Variants in LARGE1 observed in about 807,000 individuals in gnomAD.
LARGE1 encodes LARGE xylosyl- and glucuronyltransferase 1, also known as xylosyl- and glucuronyltransferase LARGE1.
In LARGE1, 43 loss-of-function variants were observed where a neutral mutation model predicts 87.6. That is an observed-to-expected ratio of 0.49 (90% CI 0.38 to 0.63). The LOEUF is 0.63. LARGE1 is among the 30% of genes least tolerant of loss of function. The pLI, the probability that LARGE1 is intolerant of heterozygous loss-of-function variation, is 0.00. For missense variants in LARGE1, 802 were observed against 1,000.2 expected (o/e 0.80, Z 2.67); for synonymous variants, 434 against 394.6 (o/e 1.10, Z -1.18).
chr22:33,380,364 T>C (rs576843870), intron 9 of LARGE1, among the ~76,000 whole-genome samples: 10 of 152,234 alleles, frequency 6.6e-5, no homozygotes, highest in Non-Finnish European at 1.0e-4. Context: ...TCTAATATTT[T>C]GAAATAAATT....
At chr22:33,727,970 G>A (rs868583654) in intron 2 of LARGE1, among the ~76,000 whole-genome samples, 1 of 152,214 alleles carries the variant, frequency 6.6e-6, no homozygotes, top group African/African-American at 2.4e-5. Context: ...GGGTATTCAG[G>A]GGTCAGGTAG....
At chr22:33,449,909 AG>A (rs1337806429) in intron 6 of LARGE1, among the ~76,000 whole-genome samples, 2 of 151,710 alleles carry the variant, frequency 1.3e-5, no homozygotes, top group South Asian at 2.1e-4. Context: ...ATCGAGGATG[AG>A]GCTTTTGTAC....
chr22:33,537,098 A>T (rs1200523568), intron 6 of LARGE1, among the ~76,000 whole-genome samples: 2 of 152,232 alleles, frequency 1.3e-5, no homozygotes, highest in African/African-American at 4.8e-5. Context: ...GGCGTGAGCC[A>T]CCGCGCCCAG....
At chr22:33,766,807 A>C (rs762589429) in intron 1 of LARGE1, among the ~76,000 whole-genome samples, 11 of 151,894 alleles carry the variant, frequency 7.2e-5, no homozygotes, top group Non-Finnish European at 1.5e-4. Flanking sequence ...CCAAAGCAAT[A>C]AATTTTATAT....
intron 6 of LARGE1, among the ~76,000 whole-genome samples, chr22:33,549,367 C>T (rs2077455063): frequency 6.6e-6 from 1 of 151,122 alleles, no homozygotes. Context: ...TTCCTCTCTT[C>T]ACGGATATGC....
At chr22:33,293,009 T>A (rs1170326593) in intron 12 of LARGE1, among the ~76,000 whole-genome samples, 2 of 152,190 alleles carry the variant, frequency 1.3e-5, no homozygotes, top group Non-Finnish European at 2.9e-5. Flanking sequence ...TGAACACATA[T>A]AACTTTGTCC....
chr22:33,389,124 C>T (rs1289076566), intron 7 of LARGE1, among the ~76,000 whole-genome samples: 2 of 152,154 alleles, frequency 1.3e-5, no homozygotes, highest in African/African-American at 4.8e-5. Flanking sequence ...GACAAAGGCA[C>T]AGAGGCAGGA....
In LARGE1 at chr22:33,761,577, A is replaced by G. The variant is rs768214949; in HGVS notation, c.-82-19T>C. The G allele has an allele frequency of 2.1e-5, 19 of 915,540 alleles. No homozygotes were observed. The highest frequency in any genetic ancestry group is 3.0e-5 in the Non-Finnish European group (17 of 557,834). 56.7% of individuals were successfully genotyped at this position (915,540 alleles called of 1,614,324 possible). ...ATACTCTCTGAAAGGAAGAGCAAAG[A>G]GGAAGGCCTGAGTTCTTAGCACTGG... is the stretch of plus-strand genomic sequence containing the variant. On this transcript the variant is annotated intron_variant, in intron 1 of 14. Transcript: ENST00000397394.
intron 1 of LARGE1, among the ~76,000 whole-genome samples, chr22:33,824,788 A>C (rs1460911586): frequency 6.6e-6 from 1 of 152,254 alleles, no homozygotes; most frequent in Admixed American, 6.5e-5. Flanking sequence ...AAATGACTTA[A>C]TACAAGAAAA....
chr22:33,701,875 G>C (rs2082413069), intron 2 of LARGE1, among the ~76,000 whole-genome samples: 1 of 152,200 alleles, frequency 6.6e-6, no homozygotes, highest in Non-Finnish European at 1.5e-5. Context: ...GCTCAAAAGG[G>C]GAGGGCACAA....
intron 1 of LARGE1, among the ~76,000 whole-genome samples, chr22:33,858,497 G>A (rs2063821770): frequency 6.6e-6 from 1 of 152,232 alleles, no homozygotes; most frequent in African/African-American, 2.4e-5. Context: ...TCAGGTGATA[G>A]TTGATTGGCT....
At chr22:33,611,486 A>G (rs2079428652) in intron 4 of LARGE1, among the ~76,000 whole-genome samples, 1 of 152,184 alleles carries the variant, frequency 6.6e-6, no homozygotes, top group Non-Finnish European at 1.5e-5. Context: ...TCTTTTGGCC[A>G]GTTTCTCCTT....
intron 2 of LARGE1, among the ~76,000 whole-genome samples, chr22:33,728,616 A>T (rs965158431): frequency 1.4e-5 from 2 of 147,882 alleles, no homozygotes; most frequent in Admixed American, 6.8e-5. Context: ...GATTTCTTCC[A>T]GGTACCACCT....
chr22:33,884,822 C>T (rs1210677723), intron 1 of LARGE1, among the ~76,000 whole-genome samples: 1 of 152,162 alleles, frequency 6.6e-6, no homozygotes, highest in African/African-American at 2.4e-5. Flanking sequence ...AAATCAACCT[C>T]CCCTCCTGTT....
intron 11 of LARGE1, among the ~76,000 whole-genome samples, chr22:33,264,889 CT>C (rs200074908): frequency 0.047 from 3,478 of 74,196 alleles, 46 homozygotes; most frequent in African/African-American, 0.17. Context: ...TGATCAAATT[CT>C]TTTTTTTTTT....
At chr22:33,637,065 T>TA (rs2080289205) in intron 3 of LARGE1, among the ~76,000 whole-genome samples, 1 of 152,172 alleles carries the variant, frequency 6.6e-6, no homozygotes, top group South Asian at 2.1e-4. Flanking sequence ...CAAGTAAGGT[T>TA]AGGATAGTAT....
At chr22:33,656,151 G>A (rs908971340) in intron 2 of LARGE1, among the ~76,000 whole-genome samples, 11 of 151,802 alleles carry the variant, frequency 7.2e-5, no homozygotes, top group Admixed American at 2.0e-4. Context: ...CAATTTTCAC[G>A]CTGCTGATAA....
At chr22:33,440,869 T>A (rs2067441937) in intron 6 of LARGE1, among the ~76,000 whole-genome samples, 1 of 152,104 alleles carries the variant, frequency 6.6e-6, no homozygotes, top group Non-Finnish European at 1.5e-5. Context: ...TCACAGACAG[T>A]CAGATGAACT....
At chr22:33,475,832 T>A (rs1437841901) in intron 6 of LARGE1, among the ~76,000 whole-genome samples, 1 of 152,184 alleles carries the variant, frequency 6.6e-6, no homozygotes, top group Non-Finnish European at 1.5e-5. Context: ...CCATTCTTTT[T>A]AACCATGTCT....
Sources: allele counts gnomAD v4.1 joint callset (sites outside exome capture counted in the v4.1 genomes callset), GRCh38; gene constraint gnomAD v4.1.1; transcripts MANE v1.5; gene names NCBI Gene and HGNC (gene_info 2026-07-23, HGNC 2026-07-21).